Variants in PLXNA2 observed in about 807,000 individuals in gnomAD.
PLXNA2 encodes the protein plexin A2, also known as plexin-A2.
Under a neutral mutation model 193.5 loss-of-function variants are expected in PLXNA2, and 91 were observed. That is an observed-to-expected ratio of 0.47 (90% confidence interval 0.40 to 0.56). The LOEUF (loss-of-function observed/expected upper bound fraction) is 0.56, where lower values mean the gene tolerates loss of function less well. Ranked by LOEUF, PLXNA2 falls within the 20% of genes least tolerant of loss-of-function variation. The probability of loss-of-function intolerance (pLI) is 0.00; values close to 1 mark genes in which losing one functional copy is unlikely to be tolerated. For synonymous variants in PLXNA2, 997 were observed against 1,027.3 expected, an observed-to-expected ratio of 0.97 and a Z score of 0.56; for missense variants, 1,995 against 2,503.2, an observed-to-expected ratio of 0.80 and a Z score of 4.33.
At chr1:208,157,904 C>A (rs1409951014) in intron 3 of PLXNA2, among the ~76,000 whole-genome samples, 1 of 152,168 alleles carries the variant, frequency 6.6e-6, no homozygotes, top group Non-Finnish European at 1.5e-5. Context: ...GGCAGAAAGC[C>A]CCATCTTCAG....
chr1:208,074,634 AACT>A (rs373135210), intron 12 of PLXNA2, among the ~76,000 whole-genome samples: 1 of 152,306 alleles, frequency 6.6e-6, no homozygotes, highest in African/African-American at 2.4e-5. Context: ...CTGTTTATCT[AACT>A]ATGCGTGAGC....
chr1:208,122,247 T>A (rs1444584874), intron 4 of PLXNA2, among the ~76,000 whole-genome samples: 3 of 152,172 alleles, frequency 2.0e-5, no homozygotes, highest in Non-Finnish European at 4.4e-5. Flanking sequence ...TGGAACCCCA[T>A]CAAATTACTT....
At chr1:208,223,400 C>A (rs1255956753) in intron 1 of PLXNA2, among the ~76,000 whole-genome samples, 3 of 152,264 alleles carry the variant, frequency 2.0e-5, no homozygotes, top group East Asian at 3.9e-4. Flanking sequence ...GAGTTAGTTA[C>A]GTTTTGCCTT....
chr1:208,076,246 T>C (rs1001394233), intron 12 of PLXNA2, among the ~76,000 whole-genome samples: 6 of 151,680 alleles, frequency 4.0e-5, no homozygotes, highest in Admixed American at 1.3e-4. Flanking sequence ...TTTAGAATTA[T>C]TATTATTATT....
intron 26 of PLXNA2, 97 bp from the exon 27 acceptor site, chr1:208,034,689 G>T: frequency 1.4e-6 from 1 of 740,640 alleles, no homozygotes; most frequent in Non-Finnish European, 2.4e-6. Flanking sequence ...AGATAGCTGT[G>T]GGGTAGAGAG....
intron 15 of PLXNA2, among the ~76,000 whole-genome samples, chr1:208,051,901 T>A (rs914622535): frequency 1.1e-4 from 17 of 152,336 alleles, no homozygotes; most frequent in Admixed American, 9.8e-4. Context: ...TCTTCAGGGC[T>A]AGGGGAGTGC....
At chr1:208,227,662 C>T (rs1671553865) in intron 1 of PLXNA2, among the ~76,000 whole-genome samples, 1 of 152,158 alleles carries the variant, frequency 6.6e-6, no homozygotes, top group Non-Finnish European at 1.5e-5. Context: ...GGGTAGGGCA[C>T]ACAGGAGTCC....
At position 208,033,311 on chromosome 1, in the gene PLXNA2, G is replaced by T; in HGVS notation, c.5055+8C>A. 1 of 1,609,846 alleles carries T rather than the reference G, an allele frequency of 6.2e-7. No individual in the cohort carries two copies. Among genetic ancestry groups the T allele is most frequent in the Non-Finnish European group, 8.5e-7 (1 of 1,177,240 alleles). ...AGCACTCCCTGGTCTGGGCAGAGGG[G>T]GAGTTACCTTGGTGGCCAGTAGCCG... On this transcript the variant is annotated splice_region_variant and intron_variant, in intron 28 of 31. Coordinates refer to ENST00000367033, the MANE Select transcript of PLXNA2 (RefSeq NM_025179.4).
At chr1:208,050,620 C>T (rs1665225542) in intron 17 of PLXNA2, among the ~76,000 whole-genome samples, 1 of 152,188 alleles carries the variant, frequency 6.6e-6, no homozygotes, top group African/African-American at 2.4e-5. Context: ...ATCACTTGAG[C>T]CCAGGAGTTT....
intron 29 of PLXNA2, 158 bp downstream of exon 29, chr1:208,031,432 T>C: frequency 7.6e-7 from 1 of 1,310,424 alleles, no homozygotes. Flanking sequence ...GTGTGGGCTC[T>C]GCAGAGCATA....
chr1:208,121,998 C>G (rs1225610461), intron 4 of PLXNA2, among the ~76,000 whole-genome samples: 1 of 152,152 alleles, frequency 6.6e-6, no homozygotes, highest in Non-Finnish European at 1.5e-5. Flanking sequence ...CCCCTCATAC[C>G]CCCACCTGCA....
intron 6 of PLXNA2, 93 bp from the exon 7 acceptor site, chr1:208,096,976 T>C: frequency 8.5e-7 from 1 of 1,181,882 alleles, no homozygotes. Flanking sequence ...TGCTCACTGA[T>C]CTCCCCTGAC....
intron 4 of PLXNA2, among the ~76,000 whole-genome samples, chr1:208,124,935 T>C (rs1667927533): frequency 6.6e-6 from 1 of 152,080 alleles, no homozygotes; most frequent in African/African-American, 2.4e-5. Context: ...GGGCAGAAGC[T>C]CAGAGAATGG....
rs771668070 is a variant in PLXNA2, at chr1:208,042,145, G to T, written c.4239C>A (p.Ile1413=). 3.1e-6 allele frequency: 5 copies of T among 1,614,072 alleles called. No homozygotes were observed. In the African/African-American group the frequency reaches 6.7e-5, roughly 22 times the overall value. ...DVLKQLLSDL[I]DKNLENKNHP... ...GGTTCTTGTTCTCCAGGTTCTTATC[G>T]ATGAGGTCAGAGAGCAGCTGCTTGA... Residue 1413 remains isoleucine (I), a synonymous_variant, in exon 22 of 32, where the codon ATC becomes ATA. Coordinates refer to ENST00000367033, the MANE Select transcript of PLXNA2 (RefSeq NM_025179.4).
intron 1 of PLXNA2, among the ~76,000 whole-genome samples, chr1:208,227,163 T>G (rs899188776): frequency 1.3e-5 from 2 of 152,196 alleles, no homozygotes; most frequent in African/African-American, 4.8e-5. Flanking sequence ...AAGTCAAGAT[T>G]CATGTTAGGA....
At chr1:208,060,563 G>A in intron 13 of PLXNA2, 123 bp downstream of exon 13, 1 of 1,009,578 alleles carries the variant, frequency 9.9e-7, no homozygotes. Context: ...TCTGGGGCAG[G>A]TCCATGGGAG....
At chr1:208,032,181 G>A (rs1213152102) in intron 28 of PLXNA2, 10 of 982,230 alleles carry the variant, frequency 1.0e-5, no homozygotes, top group Non-Finnish European at 1.2e-5. Context: ...GAGTCTGTTA[G>A]GAAGGTATGA....
At chr1:208,134,892 T>C (rs1196864681) in intron 4 of PLXNA2, among the ~76,000 whole-genome samples, 2 of 152,174 alleles carry the variant, frequency 1.3e-5, no homozygotes, top group African/African-American at 4.8e-5. Flanking sequence ...TTAGGTGCCT[T>C]AGGGACTTAA....
chr1:208,033,379 C>T lies in PLXNA2; in HGVS notation c.4995G>A (p.Glu1665=). The change falls in exon 28 of 32, where the codon GAG becomes GAA. Residue 1665 remains glutamate, a synonymous_variant. Coordinates refer to ENST00000367033, the MANE Select transcript of PLXNA2 (RefSeq NM_025179.4). ...ACACCATCTTGCTGCCCCGGTCACCCTCCTTCTGGTCACCGTGGTCATGGT... is the reference window on the plus strand; with the variant it reads ...ACACCATCTTGCTGCCCCGGTCACCTTCCTTCTGGTCACCGTGGTCATGGT... ...VKNHDHGDQK[E]GDRGSKMVSE... 7 of 1,614,196 alleles carry T rather than the reference C, an allele frequency of 4.3e-6. No homozygotes were observed. The highest frequency in any genetic ancestry group is 5.9e-6 in the Non-Finnish European group (7 of 1,180,014).
Sources: allele counts gnomAD v4.1 joint callset (sites outside exome capture counted in the v4.1 genomes callset), GRCh38; gene constraint gnomAD v4.1.1; transcripts MANE v1.5; gene names NCBI Gene and HGNC (gene_info 2026-07-23, HGNC 2026-07-21).